The following ST8SIA5 variants were observed in gnomAD, a reference collection of about 807,000 sequenced individuals.
ST8SIA5 encodes ST8 alpha-N-acetyl-neuraminide alpha-2,8-sialyltransferase 5.
ST8SIA5 carries 24 observed loss-of-function variants against 40.2 expected under a neutral mutation model. The observed-to-expected ratio is 0.60, with a 90% CI of 0.43 to 0.84. ST8SIA5 has a LOEUF of 0.84. ST8SIA5 is among the 40% of genes least tolerant of loss of function. The pLI is 0.00. For synonymous variants in ST8SIA5, 198 were observed against 201.8 expected (o/e 0.98, Z 0.16); for missense variants, 465 against 498.5 (o/e 0.93, Z 0.64).
chr18:46,746,177 C>T (rs937519753), intron 1 of ST8SIA5, among the ~76,000 whole-genome samples: 7 of 152,190 alleles, frequency 4.6e-5, no homozygotes, highest in African/African-American at 1.7e-4. Context: ...TGTCCTCTCT[C>T]ACCACTCCTA....
At chr18:46,726,709 G>C (rs946448739) in intron 1 of ST8SIA5, among the ~76,000 whole-genome samples, 2 of 152,004 alleles carry the variant, frequency 1.3e-5, no homozygotes, top group African/African-American at 4.8e-5. Context: ...ACGAGGTCAG[G>C]AGTTCAAGAC....
At chr18:46,708,087 G>A (rs1339284397) in intron 1 of ST8SIA5, among the ~76,000 whole-genome samples, 1 of 152,150 alleles carries the variant, frequency 6.6e-6, no homozygotes, top group Non-Finnish European at 1.5e-5. Flanking sequence ...AGCATTTCAT[G>A]GAATCCACTG....
chr18:46,754,682 C>T (rs935133302), intron 1 of ST8SIA5, among the ~76,000 whole-genome samples: 2 of 152,228 alleles, frequency 1.3e-5, no homozygotes, highest in African/African-American at 4.8e-5. Context: ...TGGCAGCTAG[C>T]CCACCCACCC....
In ST8SIA5 at chr18:46,670,332, T is replaced by G. The variant is rs1343835751; in HGVS notation, c.*9710A>C. On this transcript the variant is annotated 3_prime_UTR_variant, in exon 7 of 7. Coordinates refer to ENST00000315087, the MANE Select transcript of ST8SIA5 (RefSeq NM_013305.6). Reference sequence around the variant, plus strand: ...CTGGATGTCACAGGGTGAACTGAGCTGAAATGCTGTGTTGCTCCCGGGGTT... The same window carrying G: ...CTGGATGTCACAGGGTGAACTGAGCGGAAATGCTGTGTTGCTCCCGGGGTT... 2 of 152,254 alleles carry G rather than the reference T, an allele frequency of 1.3e-5. No individual in the cohort carries two copies. The highest frequency in any genetic ancestry group is 1.5e-5 in the Non-Finnish European group (1 of 68,056). 9.4% of individuals were successfully genotyped at this position (152,254 alleles called of 1,614,324 possible). A position where few individuals can be genotyped will look rare whatever the true frequency, so the allele number is the denominator to read the frequency against.
At chr18:46,753,907 T>C (rs2040217682) in intron 1 of ST8SIA5, among the ~76,000 whole-genome samples, 1 of 151,988 alleles carries the variant, frequency 6.6e-6, no homozygotes, top group South Asian at 2.1e-4. Context: ...AAAGGCAGGT[T>C]AGTAGATCTC....
At chr18:46,696,154 G>A (rs1475252525) in intron 2 of ST8SIA5, among the ~76,000 whole-genome samples, 2 of 152,180 alleles carry the variant, frequency 1.3e-5, no homozygotes, top group Non-Finnish European at 1.5e-5. Flanking sequence ...AGAGAAAAGT[G>A]AGTGCAAAAG....
At chr18:46,691,827 A>G (rs2144481260) in intron 3 of ST8SIA5, 1 of 322,616 alleles carries the variant, frequency 3.1e-6, no homozygotes, top group Non-Finnish European at 6.1e-6. Flanking sequence ...AGGATGCGTA[A>G]TGCACCTTCA....
intron 1 of ST8SIA5, among the ~76,000 whole-genome samples, chr18:46,750,311 A>G (rs759369167): frequency 1.6e-4 from 24 of 152,170 alleles, no homozygotes; most frequent in Admixed American, 5.9e-4. Context: ...GTTAAAGTGT[A>G]AACACCTGAA....
intron 1 of ST8SIA5, among the ~76,000 whole-genome samples, chr18:46,716,770 A>T (rs2039796277): frequency 6.6e-6 from 1 of 152,264 alleles, no homozygotes; most frequent in African/African-American, 2.4e-5. Flanking sequence ...TGCACTCGCC[A>T]GAGGGTCCTC....
intron 1 of ST8SIA5, among the ~76,000 whole-genome samples, chr18:46,732,246 G>C (rs1356910951): frequency 1.3e-5 from 2 of 152,224 alleles, no homozygotes; most frequent in African/African-American, 2.4e-5. Flanking sequence ...GAGAGGTAGA[G>C]TGCACCATCA....
chr18:46,676,810 G>A lies in ST8SIA5; in HGVS notation c.*3232C>T, dbSNP rs2039342186. ...ATGGTGGCGTGGTGACAGGGCTGTG[G>A]AGGAACATGGCAGAAGGCTTCCAGA... On this transcript the variant is annotated 3_prime_UTR_variant, in exon 7 of 7. Transcript: ENST00000315087. 6.6e-6 allele frequency: 1 copy of A among 152,222 alleles called. No homozygotes were observed. Among genetic ancestry groups the A allele is most frequent in the Non-Finnish European group, 1.5e-5 (1 of 68,046 alleles). The allele number at this position is 152,222 out of a possible 1,614,324, so 9.4% of individuals were successfully genotyped here.
intron 1 of ST8SIA5, among the ~76,000 whole-genome samples, chr18:46,724,221 C>T (rs1362776495): frequency 6.6e-6 from 1 of 152,266 alleles, no homozygotes; most frequent in Non-Finnish European, 1.5e-5. Context: ...TCACCTCCTA[C>T]GTGTGTGTCA....
At chr18:46,713,354 G>A (rs1393932950) in intron 1 of ST8SIA5, among the ~76,000 whole-genome samples, 1 of 152,212 alleles carries the variant, frequency 6.6e-6, no homozygotes, top group Admixed American at 6.5e-5. Flanking sequence ...AAAGGTTAGA[G>A]AGATGAACAG....
At chr18:46,716,864 T>C (rs1427970218) in intron 1 of ST8SIA5, among the ~76,000 whole-genome samples, 1 of 152,212 alleles carries the variant, frequency 6.6e-6, no homozygotes, top group Non-Finnish European at 1.5e-5. Flanking sequence ...GGGCTGGGGC[T>C]AGCAGGGAAG....
At chr18:46,730,335 A>G in intron 1 of ST8SIA5, 1 of 818,440 alleles carries the variant, frequency 1.2e-6, no homozygotes, top group Non-Finnish European at 1.5e-6. Flanking sequence ...GGGGATGAAT[A>G]ATCCTCAACC....
At chr18:46,680,640 C>T in intron 6 of ST8SIA5, 130 bp from the exon 7 acceptor site, 1 of 896,668 alleles carries the variant, frequency 1.1e-6, no homozygotes. Context: ...CCTCCTGACA[C>T]CTCACGCACC....
rs2039513355 is a variant in ST8SIA5 at position 46,692,237 on chromosome 18, C to T, written c.243G>A (p.Leu81=). 3 of 1,614,110 alleles carry T rather than the reference C, an allele frequency of 1.9e-6. No homozygotes were observed. Among genetic ancestry groups the T allele is most frequent in the Middle Eastern group, 1.6e-4 (1 of 6,062 alleles). The change falls in exon 3 of 7, where the codon CTG becomes CTA. Residue 81 remains leucine (L), a synonymous_variant. Coordinates refer to ENST00000315087, the MANE Select transcript of ST8SIA5 (RefSeq NM_013305.6). Reference sequence around the variant, plus strand: ...TCTGGAGGCTCTTCCACCTGTCGAACAGCTCTGACTGCTTCACCCTTGGGA... The same window carrying T: ...TCTGGAGGCTCTTCCACCTGTCGAATAGCTCTGACTGCTTCACCCTTGGGA... ...KVLSMVKQSE[L]FDRWKSLQMC... is the part of the protein sequence containing the mutation.
At chr18:46,694,132 C>T (rs529861349) in intron 2 of ST8SIA5, among the ~76,000 whole-genome samples, 3 of 152,352 alleles carry the variant, frequency 2.0e-5, no homozygotes, top group Admixed American at 6.5e-5. Flanking sequence ...GGCCAGCACC[C>T]ACTCCTTCTT....
chr18:46,681,329 T>C (rs1325451987), intron 6 of ST8SIA5, among the ~76,000 whole-genome samples: 1 of 152,198 alleles, frequency 6.6e-6, no homozygotes, highest in Non-Finnish European at 1.5e-5. Context: ...CTGACTTTGC[T>C]GTCTCTTCCC....
Sources: allele counts gnomAD v4.1 joint callset (sites outside exome capture counted in the v4.1 genomes callset), GRCh38; gene constraint gnomAD v4.1.1; transcripts MANE v1.5; gene names NCBI Gene and HGNC (gene_info 2026-07-23, HGNC 2026-07-21).